ANKRD28: variants seen among roughly 807,000 people sequenced by gnomAD.
ANKRD28 encodes the protein ankyrin repeat domain 28, also known as serine/threonine-protein phosphatase 6 regulatory ankyrin repeat subunit A.
In ANKRD28, 44 loss-of-function variants were observed where a neutral mutation model predicts 126.5. The observed-to-expected ratio is 0.35, with a 90% CI of 0.27 to 0.45. ANKRD28 has a LOEUF of 0.45. Among genes scored for constraint, ANKRD28 ranks in the 20% least tolerant of loss-of-function variants. ANKRD28 has a pLI of 1.00. For missense variants in ANKRD28, 1,110 were observed against 1,316.6 expected (o/e 0.84, Z 2.43); for synonymous variants, 442 against 468.5 (o/e 0.94, Z 0.73).
At chr3:15,774,337 A>G (rs947064836) in intron 2 of ANKRD28, among the ~76,000 whole-genome samples, 37 of 152,184 alleles carry the variant, frequency 2.4e-4, no homozygotes, top group African/African-American at 8.2e-4. Flanking sequence ...ATGCACTGGG[A>G]AAAAATACTT....
At position 15,708,336 on chromosome 3, in the gene ANKRD28, T is replaced by A. The variant is rs201240118; in HGVS notation, c.1407-272A>T. ...GCAATCCCAGTCCCAGTCCTTTGAG[T>A]GACTTTCAAATAACCTTCATATTCT... On this transcript the variant is annotated intron_variant, in intron 13 of 27. Coordinates refer to ENST00000683139, the MANE Select transcript of ANKRD28 (RefSeq NM_001349278.2). Among the ~76,000 whole-genome samples the A allele has an allele frequency of 4.6e-5, 7 of 152,158 alleles. No homozygotes were observed. The East Asian group carries it at 5.8e-4, about 13-fold the overall frequency.
At chr3:15,675,458 C>A (rs546670564) in intron 27 of ANKRD28, among the ~76,000 whole-genome samples, 3 of 152,022 alleles carry the variant, frequency 2.0e-5, no homozygotes, top group African/African-American at 7.3e-5. Flanking sequence ...AGGAATAATA[C>A]AGGAAGAGAG....
At chr3:15,728,167 A>G (rs928274381) in intron 6 of ANKRD28, among the ~76,000 whole-genome samples, 2 of 152,206 alleles carry the variant, frequency 1.3e-5, no homozygotes, top group Admixed American at 1.3e-4. Flanking sequence ...TTTTTTAGCA[A>G]TAACATATTT....
intron 3 of ANKRD28, among the ~76,000 whole-genome samples, chr3:15,757,683 C>T (rs2058237759): frequency 6.6e-6 from 1 of 152,136 alleles, no homozygotes; most frequent in Admixed American, 6.5e-5. Flanking sequence ...AAGAAGTGGG[C>T]CCTCACCAGA....
At chr3:15,782,525 C>A (rs147293481) in intron 2 of ANKRD28, among the ~76,000 whole-genome samples, 1 of 152,032 alleles carries the variant, frequency 6.6e-6, no homozygotes, top group Admixed American at 6.6e-5. Flanking sequence ...AAGGGTCAAT[C>A]CTTCAAGAGG....
intron 2 of ANKRD28, among the ~76,000 whole-genome samples, chr3:15,781,156 C>T (rs2059521824): frequency 6.6e-6 from 1 of 151,558 alleles, no homozygotes; most frequent in East Asian, 1.9e-4. Flanking sequence ...AATTTATATT[C>T]AAAGTATATA....
chr3:15,699,051 C>A (rs1047883733), intron 14 of ANKRD28, among the ~76,000 whole-genome samples: 1 of 152,118 alleles, frequency 6.6e-6, no homozygotes, highest in Non-Finnish European at 1.5e-5. Context: ...GTATATAGAA[C>A]AATGGAACAG....
At chr3:15,804,459 T>C (rs2060534403) in intron 1 of ANKRD28, among the ~76,000 whole-genome samples, 2 of 145,862 alleles carry the variant, frequency 1.4e-5, no homozygotes, top group African/African-American at 5.1e-5. Flanking sequence ...AAGAAATCAA[T>C]GGTCTGCTAG....
rs185729659 is a variant in ANKRD28, at chr3:15,816,264, C to T, written c.28-20958G>A. ...AACCAAATCCACCTAGCCTAGCCTC[C>T]TACCTCCACAAATATTTACTCAATA... is the stretch of plus-strand genomic sequence containing the variant. On this transcript the variant is annotated intron_variant, in intron 1 of 27. Coordinates refer to the ANKRD28 transcript ENST00000399451. The surrounding 1 kb of genome is among the most constrained non-coding windows in gnomAD (Gnocchi z 5.0). Among the ~76,000 whole-genome samples the T allele has an allele frequency of 6.6e-6, 1 of 152,268 alleles. No individual in the cohort carries two copies. Among genetic ancestry groups the T allele is most frequent in the African/African-American group, 2.4e-5 (1 of 41,552 alleles).
intron 6 of ANKRD28, among the ~76,000 whole-genome samples, chr3:15,729,613 C>A (rs138984853): frequency 6.6e-6 from 1 of 152,042 alleles, no homozygotes; most frequent in Non-Finnish European, 1.5e-5. Context: ...AGAAATTGCT[C>A]GTGATGTCAT....
chr3:15,824,824 G>T (rs2061023670), intron 1 of ANKRD28, among the ~76,000 whole-genome samples: 1 of 152,184 alleles, frequency 6.6e-6, no homozygotes. Flanking sequence ...TTGGTAAAAG[G>T]CATTCCTAAT....
intron 18 of ANKRD28, 130 bp downstream of exon 18, chr3:15,689,889 T>A (rs2068588861): frequency 2.6e-6 from 2 of 773,586 alleles, no homozygotes; most frequent in Admixed American, 2.9e-5. Flanking sequence ...GGTCAAATAA[T>A]CCATATATGA....
chr3:15,734,138 T>C (rs1347969855), intron 6 of ANKRD28, among the ~76,000 whole-genome samples: 1 of 152,222 alleles, frequency 6.6e-6, no homozygotes, highest in Non-Finnish European at 1.5e-5. Flanking sequence ...CAACTTTTTG[T>C]ACATAGGGGT....
rs763876392 is a variant in ANKRD28, at chr3:15,694,748, T to C, written c.1752A>G (p.Leu584=). The C allele has an allele frequency of 1.4e-5, 23 of 1,613,458 alleles. No homozygotes were observed. In the East Asian group the frequency reaches 5.1e-4, roughly 36 times the overall value. ...DSDNRATISP[L]HLAAYHGHHQ... ...TGAAGGCAGTACTCACAGCCAAGTG[T>C]AAAGGGCTTATTGTTGCTCTATTAT... Residue 584 remains leucine (L), a synonymous_variant, in exon 17 of 28, where the codon TTA becomes TTG. Coordinates refer to ENST00000683139, the MANE Select transcript of ANKRD28 (RefSeq NM_001349278.2).
At chr3:15,794,339 G>T (rs1484867849) in intron 2 of ANKRD28, among the ~76,000 whole-genome samples, 1 of 130,904 alleles carries the variant, frequency 7.6e-6, no homozygotes, top group Non-Finnish European at 1.7e-5. Context: ...AAAAAAAAAA[G>T]GAGGAAAGAT....
At chr3:15,743,552 A>G (rs2057262565) in intron 4 of ANKRD28, among the ~76,000 whole-genome samples, 1 of 78,454 alleles carries the variant, frequency 1.3e-5, no homozygotes, top group African/African-American at 4.7e-5. Context: ...TTTAACACAC[A>G]CACACACACA....
intron 1 of ANKRD28, among the ~76,000 whole-genome samples, chr3:15,803,520 G>C (rs747221119): frequency 4.0e-5 from 6 of 151,776 alleles, no homozygotes; most frequent in Non-Finnish European, 8.8e-5. Context: ...AAGAGGCTGA[G>C]GCAGGAGAAT....
intron 17 of ANKRD28, among the ~76,000 whole-genome samples, chr3:15,692,978 G>A (rs547798047): frequency 1.3e-5 from 2 of 152,262 alleles, no homozygotes; most frequent in African/African-American, 4.8e-5. Flanking sequence ...AAACCTGCTA[G>A]ATGAAATAAG....
chr3:15,756,062 A>G (rs2058137542), intron 3 of ANKRD28, among the ~76,000 whole-genome samples: 1 of 152,262 alleles, frequency 6.6e-6, no homozygotes, highest in Admixed American at 6.5e-5. Flanking sequence ...TGTATAATCA[A>G]TATTTTAACA....
Sources: allele counts gnomAD v4.1 joint callset (sites outside exome capture counted in the v4.1 genomes callset), GRCh38; gene constraint gnomAD v4.1.1; non-coding constraint Gnocchi (gnomAD v3.1); transcripts MANE v1.5; gene names NCBI Gene and HGNC (gene_info 2026-07-23, HGNC 2026-07-21).